The following FAM234B variants were observed in gnomAD, a reference collection of about 807,000 sequenced individuals.
FAM234B encodes family with sequence similarity 234 member B, also known as protein FAM234B.
In FAM234B, 33 loss-of-function variants were observed where a neutral mutation model predicts 69.3. That is an observed-to-expected ratio of 0.48 (90% CI 0.36 to 0.64). The LOEUF is 0.64. Ranked by LOEUF, FAM234B falls within the 30% of genes least tolerant of loss-of-function variation. The pLI is 0.00. For synonymous variants in FAM234B, 306 were observed against 306.9 expected (o/e 1.00, Z 0.03); for missense variants, 697 against 769.7 (o/e 0.91, Z 1.12).
At position 13,079,916 on chromosome 12, in the gene FAM234B, G is replaced by C; in HGVS notation, c.1770G>C (p.Gln590His). ...TACGGTGGGCACTAATGGAGGGCCAGATGGCTCAGCTACAGGAGTCCACCC... is the reference window on the plus strand; with the variant it reads ...TACGGTGGGCACTAATGGAGGGCCACATGGCTCAGCTACAGGAGTCCACCC... ...LSLRWALMEG[Q>H]MAQLQESTPK... The change falls in exon 12 of 13, where the codon CAG becomes CAC. Residue 590 changes from glutamine (Q) to histidine (H), a missense_variant. Physicochemically the swap from Gln to His is conservative, Grantham distance 24. Coordinates refer to ENST00000197268, the MANE Select transcript of FAM234B (RefSeq NM_020853.2). 1.2e-6 allele frequency: 2 copies of C among 1,614,162 alleles called. No homozygotes were observed. The highest frequency in any genetic ancestry group is 2.7e-5 in the African/African-American group (2 of 75,046).
At chr12:13,047,447 T>G (rs1223335288) in intron 1 of FAM234B, among the ~76,000 whole-genome samples, 1 of 152,210 alleles carries the variant, frequency 6.6e-6, no homozygotes, top group African/African-American at 2.4e-5. Context: ...GAGTGTATTG[T>G]ATAGTATATG....
chr12:13,057,884 G>T (rs1488599228), intron 2 of FAM234B, among the ~76,000 whole-genome samples: 1 of 152,214 alleles, frequency 6.6e-6, no homozygotes, highest in Non-Finnish European at 1.5e-5. Flanking sequence ...ACATGACCCT[G>T]ATGGTGGTGG....
chr12:13,068,502 A>C, intron 8 of FAM234B, 55 bp downstream of exon 8: 1 of 1,604,446 alleles, frequency 6.2e-7, no homozygotes, highest in Non-Finnish European at 8.5e-7. Context: ...TCCCATGTTT[A>C]AAAATTGTCC....
In FAM234B at chr12:13,055,808, G is replaced by T. The variant is rs561377847; in HGVS notation, c.295G>T (p.Val99Leu). Residue 99 changes from valine to leucine, a missense_variant, in exon 2 of 13, where the codon GTG becomes TTG. Val to Leu is a conservative substitution (Grantham distance 32). Around this residue, in one of 3 missense-constraint regions of FAM234B, gnomAD observed 380 missense variants for 447.1 expected, o/e 0.85. Transcript: ENST00000197268. Reference protein sequence around the residue: ...GLEQKAASSLVSYVRTSVFLL... With the variant: ...GLEQKAASSLLSYVRTSVFLL... ...GGAACAGAAGGCGGCCTCCTCCCTG[G>T]TGTCATATGTGCGCACGTCTGTCTT... 5 of 1,614,160 alleles carry T rather than the reference G, an allele frequency of 3.1e-6. No homozygotes were observed. In the South Asian group the frequency reaches 5.5e-5, roughly 18 times the overall value.
intron 11 of FAM234B, among the ~76,000 whole-genome samples, chr12:13,077,824 C>A (rs972681593): frequency 6.6e-6 from 1 of 152,114 alleles, no homozygotes; most frequent in African/African-American, 2.4e-5. Flanking sequence ...ATTTCTAGTT[C>A]TAGATCCCTG....
chr12:13,048,157 T>C (rs1443098217), intron 1 of FAM234B, among the ~76,000 whole-genome samples: 1 of 152,248 alleles, frequency 6.6e-6, no homozygotes, highest in Non-Finnish European at 1.5e-5. Context: ...ATTTCGGTGA[T>C]GTCATGGCTG....
rs544351599 is a variant in FAM234B, at chr12:13,046,183, A to C, written c.37+1743A>C. Among the ~76,000 whole-genome samples, 31 of 96,432 alleles carry C rather than the reference A, an allele frequency of 3.2e-4. 1 individual carries two copies. The South Asian group carries it at 0.011, about 34-fold the overall frequency. 63.3% of individuals were successfully genotyped at this position (96,432 alleles called of 152,430 possible). ...GGCCATACCACCCTGAACGCGCCCG[A>C]TCTCGTCTGATCTCGGAAGCTAAGC... On this transcript the variant is annotated intron_variant, in intron 1 of 12. Coordinates refer to ENST00000197268, the MANE Select transcript of FAM234B (RefSeq NM_020853.2).
intron 1 of FAM234B, among the ~76,000 whole-genome samples, chr12:13,049,952 A>G (rs1864857493): frequency 6.6e-6 from 1 of 152,142 alleles, no homozygotes; most frequent in Non-Finnish European, 1.5e-5. Context: ...GGCTATTGCC[A>G]AAGGGGTGAT....
chr12:13,075,703 A>C (rs1405738549), intron 10 of FAM234B, among the ~76,000 whole-genome samples: 1 of 144,030 alleles, frequency 6.9e-6, no homozygotes, highest in East Asian at 2.0e-4. Context: ...TCATCTGCCC[A>C]CCTCGGCCTC....
Position 13,044,583 on chromosome 12 carries a change from C to T in FAM234B, c.37+143C>T. ...GCCCGGTGCCGAGGAGGGTGCAGTC[C>T]CTTGGGGCTGGGGTCTCTGTGCCAC... On this transcript the variant is annotated intron_variant, in intron 1 of 12. Transcript: ENST00000197268. This position sits in a 1 kb window ranked among gnomAD's most constrained non-coding sequence, Gnocchi z 5.6. The T allele has an allele frequency of 1.1e-6, 1 of 872,856 alleles. No homozygotes were observed. The allele number at this position is 872,856 out of a possible 1,614,324, so 54.1% of individuals were successfully genotyped here.
Position 13,044,523 on chromosome 12 carries a change from C to A in FAM234B, c.37+83C>A. On this transcript the variant is annotated intron_variant, in intron 1 of 12. Coordinates refer to ENST00000197268, the MANE Select transcript of FAM234B (RefSeq NM_020853.2). The surrounding 1 kb of genome is among the most constrained non-coding windows in gnomAD (Gnocchi z 5.6). ...GCGAGGCTCTGGGGGCGAGGCCGGTCGGGCCCTGGCCTCAACCCAGACTCA... is the reference window on the plus strand; with the variant it reads ...GCGAGGCTCTGGGGGCGAGGCCGGTAGGGCCCTGGCCTCAACCCAGACTCA... The A allele has an allele frequency of 1.4e-6, 2 of 1,464,860 alleles. No homozygotes were observed. Among genetic ancestry groups the A allele is most frequent in the East Asian group, 2.5e-5 (1 of 40,336 alleles). The allele number at this position is 1,464,860 out of a possible 1,614,324, so 90.7% of individuals were successfully genotyped here.
At chr12:13,054,559 T>C (rs910646445) in intron 1 of FAM234B, among the ~76,000 whole-genome samples, 20 of 152,202 alleles carry the variant, frequency 1.3e-4, no homozygotes, top group Non-Finnish European at 4.4e-5. Context: ...CCTTTTTAAT[T>C]AGCTGGGTTT....
intron 1 of FAM234B, among the ~76,000 whole-genome samples, chr12:13,045,486 T>C (rs558837023): frequency 5.3e-5 from 8 of 152,228 alleles, no homozygotes; most frequent in Non-Finnish European, 1.2e-4. Context: ...AGTTTGAGCT[T>C]GCAGGGGGAT....
intron 2 of FAM234B, among the ~76,000 whole-genome samples, chr12:13,056,227 C>T (rs1005038508): frequency 6.6e-6 from 1 of 152,140 alleles, no homozygotes; most frequent in African/African-American, 2.4e-5. Flanking sequence ...GGAGCCAGCA[C>T]TGTATCAGGG....
Position 13,067,347 on chromosome 12 carries a change from A to G in FAM234B, c.1142+51A>G, listed in dbSNP as rs764768667. The G allele has an allele frequency of 6.2e-7, 1 of 1,600,782 alleles. No homozygotes were observed. The highest frequency in any genetic ancestry group is 1.7e-5 in the Admixed American group (1 of 59,772). ...ACAGTGAGATCTCTTGTGAACTCACATGCCTTTGAGTCTCTAAGTTTGGTT... is the reference window on the plus strand; with the variant it reads ...ACAGTGAGATCTCTTGTGAACTCACGTGCCTTTGAGTCTCTAAGTTTGGTT... On this transcript the variant is annotated intron_variant, in intron 7 of 12. Coordinates refer to ENST00000197268, the MANE Select transcript of FAM234B (RefSeq NM_020853.2). This position sits in a 1 kb window ranked among gnomAD's most constrained non-coding sequence, Gnocchi z 4.7.
At chr12:13,057,057 A>G (rs1469343617) in intron 2 of FAM234B, among the ~76,000 whole-genome samples, 2 of 146,492 alleles carry the variant, frequency 1.4e-5, no homozygotes, top group African/African-American at 5.1e-5. Context: ...GGCTTACTGC[A>G]GGCTTCACCT....
At chr12:13,055,527 C>T in intron 1 of FAM234B, 24 bp from the exon 2 acceptor site, 2 of 1,561,322 alleles carry the variant, frequency 1.3e-6, no homozygotes, top group South Asian at 1.2e-5. Flanking sequence ...TTCCCCTTGA[C>T]TCTCTGTTTT....
At position 13,079,954 on chromosome 12, in the gene FAM234B, G is replaced by T. The variant is rs767176977; in HGVS notation, c.1808G>T (p.Arg603Leu). The change falls in exon 12 of 13, where the codon CGT becomes CTT. Residue 603 changes from arginine (R) to leucine (L), a missense_variant. By Grantham distance (102) the Arg-to-Leu change is moderately radical. Coordinates refer to ENST00000197268, the MANE Select transcript of FAM234B (RefSeq NM_020853.2). ...CAGGAGTCCACCCCCAAAATTGGCC[G>T]TGGGGAGCTGCGAAGATTTCTCTCT... ...QLQESTPKIG[R>L]GELRRFLSRI... 3 of 1,612,886 alleles carry T rather than the reference G, an allele frequency of 1.9e-6. No individual in the cohort carries two copies. Among genetic ancestry groups the T allele is most frequent in the Non-Finnish European group, 2.5e-6 (3 of 1,179,506 alleles).
chr12:13,081,042 C>T lies in FAM234B; in HGVS notation c.*412C>T, dbSNP rs935353321. 2 of 162,202 alleles carry T rather than the reference C, an allele frequency of 1.2e-5. No homozygotes were observed. Among genetic ancestry groups the T allele is most frequent in the African/African-American group, 4.8e-5 (2 of 41,848 alleles). 10.0% of individuals were successfully genotyped at this position (162,202 alleles called of 1,614,324 possible). A position where few individuals can be genotyped will look rare whatever the true frequency, so the allele number is the denominator to read the frequency against. On this transcript the variant is annotated 3_prime_UTR_variant, in exon 13 of 13. Coordinates refer to ENST00000197268, the MANE Select transcript of FAM234B (RefSeq NM_020853.2). Reference sequence around the variant, plus strand: ...TGGTGAAGTTATTTTCCAGGTATGTCCTAAGCTTCAGGGATCCAGTTTCTT... The same window carrying T: ...TGGTGAAGTTATTTTCCAGGTATGTTCTAAGCTTCAGGGATCCAGTTTCTT...
Sources: allele counts gnomAD v4.1 joint callset (sites outside exome capture counted in the v4.1 genomes callset), GRCh38; gene constraint gnomAD v4.1.1; regional missense constraint gnomAD v4.1.1; non-coding constraint Gnocchi (gnomAD v3.1); transcripts MANE v1.5; gene names NCBI Gene and HGNC (gene_info 2026-07-23, HGNC 2026-07-21).